Variants in FBN1 observed in about 807,000 individuals in gnomAD.
The protein encoded by FBN1 is fibrillin-1.
A neutral mutation model predicts 365.1 loss-of-function variants in FBN1; 29 were observed. The ratio of observed to expected loss-of-function variants is 0.08; its 90% CI spans 0.06 to 0.11. The LOEUF is 0.11. Ranked by LOEUF, FBN1 falls within the 10% of genes least tolerant of loss-of-function variation. The pLI is 1.00. For missense variants in FBN1, 2,476 were observed against 3,703.2 expected (o/e 0.67, Z 8.60); for synonymous variants, 1,210 against 1,270.5 (o/e 0.95, Z 1.01).
Position 48,421,956 on chromosome 15 carries a change from G to A in FBN1, c.7566C>T (p.Cys2522=). Residue 2522 remains cysteine (C), a synonymous_variant, in exon 61 of 66, where the codon TGC becomes TGT. Transcript: ENST00000316623. ...PPGFTQHHTS[C]IDNNECTSDI... is the part of the protein sequence containing the mutation. ...ATTTTTTCCTCTCCTACTCACCAAT[G>A]CAGGACGTATGGTGTTGGGTAAATC... 1 of 1,606,098 alleles carries A rather than the reference G, an allele frequency of 6.2e-7. No homozygotes were observed. The highest frequency in any genetic ancestry group is 8.5e-7 in the Non-Finnish European group (1 of 1,172,644).
intron 16 of FBN1, 68 bp from the exon 17 acceptor site, chr15:48,504,007 T>C (rs1473370544): frequency 2.7e-5 from 42 of 1,581,448 alleles, no homozygotes; most frequent in Non-Finnish European, 3.6e-5. Context: ...CAAGTCAAAG[T>C]TGAAGAGGGC....
At chr15:48,422,808 A>G (rs1422028284) in intron 60 of FBN1, among the ~76,000 whole-genome samples, 1 of 152,100 alleles carries the variant, frequency 6.6e-6, no homozygotes, top group African/African-American at 2.4e-5. Context: ...AATATACAAA[A>G]ATTAGCTGGG....
intron 4 of FBN1, among the ~76,000 whole-genome samples, chr15:48,607,866 T>C (rs759770215): frequency 3.9e-5 from 6 of 152,238 alleles, no homozygotes; most frequent in Non-Finnish European, 5.9e-5. Flanking sequence ...GATAGGTCTT[T>C]ATGACAATTA....
At position 48,429,035 on chromosome 15, in the gene FBN1, C is replaced by T. The variant is rs773588094; in HGVS notation, c.6872-564G>A. Reference sequence around the variant, plus strand: ...AATATGTGTATGTGTGTGTGCACTTCAGATCTTTTAAAAGCCTAACTGATA... The same window carrying T: ...AATATGTGTATGTGTGTGTGCACTTTAGATCTTTTAAAAGCCTAACTGATA... On this transcript the variant is annotated intron_variant, in intron 56 of 65. Coordinates refer to ENST00000316623, the MANE Select transcript of FBN1 (RefSeq NM_000138.5). 1.9e-4 allele frequency among the ~76,000 whole-genome samples: 29 copies of T among 152,266 alleles called. 1 individual carries two copies. The highest frequency in any genetic ancestry group is 3.5e-4 in the Non-Finnish European group (24 of 68,028).
intron 2 of FBN1, among the ~76,000 whole-genome samples, chr15:48,614,142 TAC>T (rs1238610271): frequency 6.6e-6 from 1 of 152,150 alleles, no homozygotes; most frequent in African/African-American, 2.4e-5. Flanking sequence ...GAGACTATAA[TAC>T]ACAGAGACCT....
chr15:48,460,918 T>A (rs1395573395), intron 42 of FBN1, among the ~76,000 whole-genome samples: 1 of 152,152 alleles, frequency 6.6e-6, no homozygotes, highest in Non-Finnish European at 1.5e-5. Context: ...ATTAGTCAAA[T>A]TTAACAGATA....
chr15:48,427,193 C>T (rs1314977385), intron 58 of FBN1, among the ~76,000 whole-genome samples: 10 of 152,084 alleles, frequency 6.6e-5, no homozygotes, highest in Admixed American at 4.6e-4. Context: ...ACAGTTTGGC[C>T]AGTTTTAGGA....
chr15:48,493,023 T>C (rs1379246223), intron 23 of FBN1, among the ~76,000 whole-genome samples: 2 of 152,162 alleles, frequency 1.3e-5, no homozygotes, highest in Non-Finnish European at 2.9e-5. Flanking sequence ...CCAAGGAATA[T>C]GTGGGCCAGT....
chr15:48,550,962 T>TATGAATGA (rs113964524), intron 6 of FBN1, among the ~76,000 whole-genome samples: 55 of 119,468 alleles, frequency 4.6e-4, no homozygotes, highest in African/African-American at 1.2e-3. Context: ...CTCAAGTATT[T>TATGAATGA]ATGAATGAAT....
chr15:48,475,072 T>C (rs1334606134), intron 32 of FBN1, among the ~76,000 whole-genome samples: 2 of 151,986 alleles, frequency 1.3e-5, no homozygotes, highest in African/African-American at 2.4e-5. Context: ...AAATACAAAC[T>C]TGTTGGCAAA....
intron 9 of FBN1, among the ~76,000 whole-genome samples, chr15:48,523,719 G>T (rs925809109): frequency 0.052 from 7,813 of 150,050 alleles, 390 homozygotes; most frequent in East Asian, 0.17. Context: ...CTGGGGGGGG[G>T]GGGGAACCGT....
chr15:48,434,839 C>T lies in FBN1; in HGVS notation c.6497-126G>A, dbSNP rs144975645. ...TTGAGACAGAGTCTCACTTTGACAT[C>T]CAGACTGCAGTGCTGTGGCGCGATT... is the stretch of plus-strand genomic sequence containing the variant. On this transcript the variant is annotated intron_variant, in intron 53 of 65. Coordinates refer to ENST00000316623, the MANE Select transcript of FBN1 (RefSeq NM_000138.5). The T allele has an allele frequency of 1.3e-4, 150 of 1,171,752 alleles. No individual in the cohort carries two copies. In the African/African-American group the frequency reaches 2.1e-3, roughly 16 times the overall value. The allele number at this position is 1,171,752 out of a possible 1,614,324, so 72.6% of individuals were successfully genotyped here. A position where few individuals can be genotyped will look rare whatever the true frequency, so the allele number is the denominator to read the frequency against.
At chr15:48,613,979 A>C (rs1331042902) in intron 2 of FBN1, among the ~76,000 whole-genome samples, 1 of 152,216 alleles carries the variant, frequency 6.6e-6, no homozygotes, top group Non-Finnish European at 1.5e-5. Context: ...ACAAGAAAAT[A>C]AAATCAGTGT....
At chr15:48,422,179 A>C (rs2042949141) in intron 60 of FBN1, 111 bp from the exon 61 acceptor site, 1 of 756,206 alleles carries the variant, frequency 1.3e-6, no homozygotes. Context: ...AATGACCCTG[A>C]CTAGAAAGAA....
intron 6 of FBN1, among the ~76,000 whole-genome samples, chr15:48,563,303 T>G (rs572077570): frequency 6.6e-6 from 1 of 152,090 alleles, no homozygotes; most frequent in South Asian, 2.1e-4. Flanking sequence ...AAAGAGAAAC[T>G]AAGGAAGCAA....
chr15:48,584,141 A>C (rs540695275), intron 6 of FBN1, among the ~76,000 whole-genome samples: 295 of 152,314 alleles, frequency 1.9e-3, no homozygotes, highest in African/African-American at 6.9e-3. Context: ...TTTCTTATAC[A>C]TGTATTATGT....
chr15:48,542,744 G>C (rs2044066395), intron 6 of FBN1, among the ~76,000 whole-genome samples: 1 of 149,228 alleles, frequency 6.7e-6, no homozygotes, highest in African/African-American at 2.5e-5. Context: ...TCTTGCAAAA[G>C]CTCCCCAAGA....
At chr15:48,614,912 A>T (rs1889623590) in intron 2 of FBN1, among the ~76,000 whole-genome samples, 1 of 152,186 alleles carries the variant, frequency 6.6e-6, no homozygotes, top group Non-Finnish European at 1.5e-5. Flanking sequence ...AGGAAGAAAG[A>T]TGTTATGGAG....
At position 48,420,679 on chromosome 15, in the gene FBN1, T is replaced by G. The variant is rs363838; in HGVS notation, c.7819+8A>C. Reference sequence around the variant, plus strand: ...CATGCATCTTGAGAGTGAGGAAAAGTTACTTGCCAACACACTGGTTCCACT... The same window carrying G: ...CATGCATCTTGAGAGTGAGGAAAAGGTACTTGCCAACACACTGGTTCCACT... On this transcript the variant is annotated splice_region_variant and intron_variant, in intron 63 of 65. Coordinates refer to ENST00000316623, the MANE Select transcript of FBN1 (RefSeq NM_000138.5). 26,647 of 1,613,860 alleles carry G rather than the reference T, an allele frequency of 0.017. 638 individuals are homozygous for G. The highest frequency in any genetic ancestry group is 0.1 in the East Asian group (4,663 of 44,862).
Sources: allele counts gnomAD v4.1 joint callset (sites outside exome capture counted in the v4.1 genomes callset), GRCh38; gene constraint gnomAD v4.1.1; transcripts MANE v1.5; gene names NCBI Gene and HGNC (gene_info 2026-07-23, HGNC 2026-07-21).